Variants in SLC4A5 observed in about 807,000 individuals in gnomAD.
SLC4A5 encodes the protein solute carrier family 4 member 5, also known as electrogenic sodium bicarbonate cotransporter 4.
In SLC4A5, 96 loss-of-function variants were observed where a neutral mutation model predicts 120.4. That is an observed-to-expected ratio of 0.80 (90% CI 0.68 to 0.94). The LOEUF (loss-of-function observed/expected upper bound fraction) is 0.94, where lower values mean the gene tolerates loss of function less well. Ranked by LOEUF, SLC4A5 falls within the 40% of genes least tolerant of loss-of-function variation. SLC4A5 has a pLI of 0.00. For missense variants in SLC4A5, 1,259 were observed against 1,459.5 expected (o/e 0.86, Z 2.24); for synonymous variants, 550 against 571.1 (o/e 0.96, Z 0.53).
intron 20 of SLC4A5, among the ~76,000 whole-genome samples, chr2:74,241,741 CAAAA>C (rs367922236): frequency 1.0e-5 from 1 of 97,436 alleles, no homozygotes; most frequent in Non-Finnish European, 2.0e-5. Context: ...GACCCTGTCT[CAAAA>C]AAAAAAAAAA....
At chr2:74,313,040 C>CT (rs1672857442) in intron 6 of SLC4A5, among the ~76,000 whole-genome samples, 1 of 145,868 alleles carries the variant, frequency 6.9e-6, no homozygotes. Flanking sequence ...AATCTTCCCC[C>CT]TTTTTGGTCT....
At chr2:74,244,405 C>A (rs149968421) in intron 19 of SLC4A5, among the ~76,000 whole-genome samples, 1 of 149,676 alleles carries the variant, frequency 6.7e-6, no homozygotes, top group Non-Finnish European at 1.5e-5. Context: ...CTCCCTCCCC[C>A]CTTCCTTCCC....
chr2:74,339,097 G>C (rs1314156924), intron 2 of SLC4A5, 194 bp from the exon 3 acceptor site: 1 of 152,188 alleles, frequency 6.6e-6, no homozygotes, highest in East Asian at 1.9e-4. Flanking sequence ...GAAACAACCT[G>C]AATGTCCATG....
intron 20 of SLC4A5, among the ~76,000 whole-genome samples, chr2:74,239,740 T>C (rs560454252): frequency 1.8e-4 from 27 of 152,158 alleles, no homozygotes; most frequent in African/African-American, 5.5e-4. Flanking sequence ...TGTTTCTTCA[T>C]TGTGTTCTAG....
intron 28 of SLC4A5, 37 bp downstream of exon 28, chr2:74,224,803 A>G (rs1348904715): frequency 3.1e-6 from 5 of 1,587,374 alleles, no homozygotes; most frequent in Admixed American, 1.9e-5. Context: ...AGGTCTCTCA[A>G]TTTCTCCTCT....
intron 8 of SLC4A5, among the ~76,000 whole-genome samples, chr2:74,275,882 G>C (rs569451634): frequency 6.6e-6 from 1 of 152,176 alleles, no homozygotes; most frequent in Non-Finnish European, 1.5e-5. Context: ...AGGTCATGCA[G>C]CTCATAAGAG....
exon 10 of SLC4A5, chr2:74,264,298 A>T (rs568863116): frequency 6.1e-5 from 99 of 1,613,298 alleles, no homozygotes; most frequent in Non-Finnish European, 8.2e-5. Context: ...CAATGACATC[A>T]TCTGTGTGGA....
intron 12 of SLC4A5, 136 bp from the exon 13 acceptor site, chr2:74,256,068 A>T: frequency 6.4e-6 from 6 of 942,172 alleles, no homozygotes; most frequent in Non-Finnish European, 9.4e-6. Flanking sequence ...AGAATAAATA[A>T]GTACTCCTCC....
At chr2:74,338,194 G>A (rs905039340) in intron 3 of SLC4A5, among the ~76,000 whole-genome samples, 2 of 152,154 alleles carry the variant, frequency 1.3e-5, no homozygotes, top group Admixed American at 1.3e-4. Context: ...GGCATAGGAG[G>A]GAGAAATGGA....
intron 7 of SLC4A5, among the ~76,000 whole-genome samples, chr2:74,292,478 G>A (rs188788958): frequency 1.8e-4 from 28 of 152,318 alleles, no homozygotes; most frequent in East Asian, 5.8e-4. Context: ...TGTGCAGCAC[G>A]TCAGAAGTTA....
At chr2:74,311,140 A>T (rs1233459184) in intron 6 of SLC4A5, among the ~76,000 whole-genome samples, 2 of 152,088 alleles carry the variant, frequency 1.3e-5, no homozygotes, top group South Asian at 2.1e-4. Flanking sequence ...ATGTCCATGG[A>T]ATCAATAATG....
At chr2:74,221,033 C>T (rs1694624578) in intron 30 of SLC4A5, among the ~76,000 whole-genome samples, 4 of 151,470 alleles carry the variant, frequency 2.6e-5, no homozygotes, top group African/African-American at 7.3e-5. Flanking sequence ...TTAGTAGAGA[C>T]GGGGTTTCAC....
chr2:74,237,430 T>C (rs902438078), intron 21 of SLC4A5, among the ~76,000 whole-genome samples: 2 of 152,196 alleles, frequency 1.3e-5, no homozygotes, highest in African/African-American at 4.8e-5. Context: ...GATTGAGGGA[T>C]GTGCTCTGGA....
chr2:74,242,565 C>T (rs1009147849), intron 19 of SLC4A5, among the ~76,000 whole-genome samples: 1 of 152,220 alleles, frequency 6.6e-6, no homozygotes, highest in Non-Finnish European at 1.5e-5. Context: ...ACAGTTCATA[C>T]TCGGAGCCAT....
chr2:74,275,830 GGTGA>G (rs1422783492), intron 8 of SLC4A5, among the ~76,000 whole-genome samples: 1 of 152,148 alleles, frequency 6.6e-6, no homozygotes, highest in African/African-American at 2.4e-5. Flanking sequence ...TCATTGTACA[GGTGA>G]GGAGACTGAG....
intron 5 of SLC4A5, among the ~76,000 whole-genome samples, chr2:74,321,830 T>A (rs1673106736): frequency 6.6e-6 from 1 of 151,852 alleles, no homozygotes; most frequent in African/African-American, 2.4e-5. Context: ...GGGATCTATA[T>A]AAACCATTCA....
At chr2:74,270,090 C>G (rs1028921838) in intron 8 of SLC4A5, among the ~76,000 whole-genome samples, 1 of 152,222 alleles carries the variant, frequency 6.6e-6, no homozygotes, top group Non-Finnish European at 1.5e-5. Flanking sequence ...AATGCCAGAA[C>G]TAGACTCTGC....
chr2:74,280,363 C>G (rs575888657), intron 8 of SLC4A5, among the ~76,000 whole-genome samples: 2 of 152,182 alleles, frequency 1.3e-5, no homozygotes, highest in Non-Finnish European at 2.9e-5. Flanking sequence ...TTTCACAGTG[C>G]CCCCATTACC....
intron 25 of SLC4A5, among the ~76,000 whole-genome samples, chr2:74,230,275 G>A (rs761180286): frequency 1.3e-5 from 2 of 152,194 alleles, no homozygotes; most frequent in Non-Finnish European, 2.9e-5. Context: ...ATGGGCGATT[G>A]GCTGGAGTGG....
Sources: gnomAD v4.1 joint callset for allele counts (sites outside exome capture counted in the v4.1 genomes callset) on GRCh38, gnomAD v4.1.1 for gene constraint, MANE v1.5 for transcripts, NCBI Gene and HGNC (gene_info 2026-07-23, HGNC 2026-07-21) for gene names.